MRPL48: variants seen among roughly 807,000 people sequenced by gnomAD.
MRPL48 encodes the protein mitochondrial ribosomal protein L48, also known as large ribosomal subunit protein mL48.
Under a neutral mutation model 32.9 loss-of-function variants are expected in MRPL48, and 16 were observed. The ratio of observed to expected loss-of-function variants is 0.49; its 90% CI spans 0.33 to 0.74. The LOEUF (loss-of-function observed/expected upper bound fraction) is 0.74. MRPL48 is among the 30% of genes least tolerant of loss of function. MRPL48 has a pLI of 0.02. For synonymous variants in MRPL48, 94 were observed against 89.2 expected (o/e 1.05, Z -0.31); for missense variants, 206 against 245.3 (o/e 0.84, Z 1.07).
chr11:73,796,257 T>C (rs1279837965), intron 1 of MRPL48, among the ~76,000 whole-genome samples: 1 of 152,242 alleles, frequency 6.6e-6, no homozygotes, highest in Non-Finnish European at 1.5e-5. Flanking sequence ...GGCATCTGTG[T>C]ACTCTTGTGG....
At chr11:73,824,162 ATTTT>A (rs1443792573) in intron 3 of MRPL48, among the ~76,000 whole-genome samples, 1 of 151,742 alleles carries the variant, frequency 6.6e-6, no homozygotes, top group African/African-American at 2.4e-5. Context: ...CCAAGACCCT[ATTTT>A]TTTAATCCAG....
chr11:73,803,726 A>G (rs1947396918), intron 1 of MRPL48, among the ~76,000 whole-genome samples: 1 of 151,970 alleles, frequency 6.6e-6, no homozygotes, highest in African/African-American at 2.4e-5. Flanking sequence ...CCTTAAGAAC[A>G]GACTTTTTTT....
At chr11:73,848,534 G>T (rs901219452) in intron 5 of MRPL48, among the ~76,000 whole-genome samples, 2 of 146,434 alleles carry the variant, frequency 1.4e-5, no homozygotes, top group African/African-American at 2.5e-5. Context: ...GATCAATTTG[G>T]GAATAATTGA....
intron 4 of MRPL48, among the ~76,000 whole-genome samples, chr11:73,831,084 C>T (rs1393670509): frequency 6.6e-6 from 1 of 152,114 alleles, no homozygotes; most frequent in East Asian, 1.9e-4. Context: ...AGGTGATCCA[C>T]CTACCTTGGC....
intron 3 of MRPL48, 146 bp from the exon 4 acceptor site, chr11:73,825,562 G>A (rs1947871900): frequency 6.1e-6 from 4 of 651,720 alleles, no homozygotes; most frequent in Admixed American, 2.8e-5. Context: ...GCAGGAGACT[G>A]TCTTGTACCA....
At chr11:73,854,206 C>T (rs1445196988) in intron 5 of MRPL48, among the ~76,000 whole-genome samples, 1 of 152,170 alleles carries the variant, frequency 6.6e-6, no homozygotes, top group African/African-American at 2.4e-5. Flanking sequence ...TTACTTTTTG[C>T]CACATAGCTA....
chr11:73,812,875 A>AAGT (rs1947594250), intron 3 of MRPL48, among the ~76,000 whole-genome samples: 6 of 150,692 alleles, frequency 4.0e-5, no homozygotes, highest in Admixed American at 3.3e-4. Flanking sequence ...TCAGCCTCCC[A>AAGT]AGTAGATGGG....
intron 4 of MRPL48, among the ~76,000 whole-genome samples, chr11:73,837,055 A>G (rs557917871): frequency 1.3e-5 from 2 of 151,608 alleles, no homozygotes; most frequent in Non-Finnish European, 3.0e-5. Flanking sequence ...GACTGTTGAT[A>G]GTACTTAACC....
intron 5 of MRPL48, chr11:73,850,834 G>A (rs369118540): frequency 1.3e-4 from 30 of 232,252 alleles, no homozygotes; most frequent in African/African-American, 6.5e-4. Flanking sequence ...CTGCCACAAC[G>A]CCTGGCTAAT....
intron 5 of MRPL48, chr11:73,850,882 TAGCC>T (rs1948377266): frequency 8.2e-6 from 2 of 242,710 alleles, no homozygotes; most frequent in African/African-American, 4.6e-5. Context: ...TTCACCATGT[TAGCC>T]AGGATGGTCT....
intron 3 of MRPL48, among the ~76,000 whole-genome samples, chr11:73,813,548 T>G (rs913003642): frequency 2.0e-4 from 31 of 152,296 alleles, no homozygotes; most frequent in African/African-American, 6.7e-4. Context: ...ACTTTTAATA[T>G]AGTTCTTATA....
At chr11:73,847,148 C>G (rs112329439) in intron 5 of MRPL48, among the ~76,000 whole-genome samples, 2,096 of 152,158 alleles carry the variant, frequency 0.014, 18 homozygotes, top group Middle Eastern at 0.044. Context: ...AAAATGGCTG[C>G]ACCATTTTTT....
intron 2 of MRPL48, among the ~76,000 whole-genome samples, chr11:73,806,634 T>C (rs1947459183): frequency 6.6e-6 from 1 of 152,178 alleles, no homozygotes; most frequent in South Asian, 2.1e-4. Flanking sequence ...AGGCCTACGA[T>C]GGTATCTGAC....
At position 73,805,077 on chromosome 11, in the gene MRPL48, A is replaced by G. The variant is rs1490975541; in HGVS notation, c.72A>G (p.Leu24=). 1 of 1,570,038 alleles carries G rather than the reference A, an allele frequency of 6.4e-7. No homozygotes were observed. Among genetic ancestry groups the G allele is most frequent in the Non-Finnish European group, 8.6e-7 (1 of 1,156,346 alleles). ...NTIFKQAFSL[L]RFRTSGEKPI... ...TTTTTAAGCAAGCCTTTTCTCTCTT[A>G]AGGTAAGAATATTAAAAACAATAAT... is the stretch of plus-strand genomic sequence containing the variant. The change falls in exon 2 of 8, where the codon TTA becomes TTG. Residue 24 remains leucine, a splice_region_variant and synonymous_variant. Coordinates refer to ENST00000310614, the MANE Select transcript of MRPL48 (RefSeq NM_016055.6).
chr11:73,822,047 A>G (rs545347852), intron 3 of MRPL48, among the ~76,000 whole-genome samples: 90 of 152,262 alleles, frequency 5.9e-4, no homozygotes, highest in Non-Finnish European at 1.0e-3. Context: ...AGATTTGGAT[A>G]TCAGCTCCAT....
chr11:73,806,870 T>C (rs906288940), intron 2 of MRPL48, among the ~76,000 whole-genome samples: 2 of 152,094 alleles, frequency 1.3e-5, no homozygotes, highest in African/African-American at 4.8e-5. Flanking sequence ...CTCCATTGTT[T>C]TTCTTTTTTC....
chr11:73,787,961 A>G lies in MRPL48; in HGVS notation c.-11A>G, dbSNP rs913592737. The G allele has an allele frequency of 4.3e-6, 7 of 1,612,846 alleles. No individual in the cohort carries two copies. The African/African-American group carries it at 6.7e-5, about 15-fold the overall frequency. Reference sequence around the variant, plus strand: ...CGGTTTGCACAGCTAGAGGCCGCGCAGCAGCAAAGGATGAGCGGAACCTTG... The same window carrying G: ...CGGTTTGCACAGCTAGAGGCCGCGCGGCAGCAAAGGATGAGCGGAACCTTG... On this transcript the variant is annotated 5_prime_UTR_variant, in exon 1 of 8. Transcript: ENST00000310614.
In MRPL48 at chr11:73,847,091, T is replaced by A. The variant is rs377453264; in HGVS notation, c.371+2115T>A. ...TCTCGCCTCCAATTTCTGGATTGTA[T>A]AGTAAGTTTATGTTTAACTTTATAA... On this transcript the variant is annotated intron_variant, in intron 5 of 7. Coordinates refer to ENST00000310614, the MANE Select transcript of MRPL48 (RefSeq NM_016055.6). Among the ~76,000 whole-genome samples, 41 of 152,018 alleles carry A rather than the reference T, an allele frequency of 2.7e-4. No homozygotes were observed. In the South Asian group the frequency reaches 8.5e-3, roughly 32 times the overall value.
At chr11:73,825,844 G>A (rs749689575) in intron 4 of MRPL48, 48 bp downstream of exon 4, 13 of 1,461,004 alleles carry the variant, frequency 8.9e-6, no homozygotes, top group South Asian at 2.5e-5. Context: ...TGCAGCTTTT[G>A]CAAAAACCTG....
Sources: allele counts gnomAD v4.1 joint callset (sites outside exome capture counted in the v4.1 genomes callset), GRCh38; gene constraint gnomAD v4.1.1; transcripts MANE v1.5; gene names NCBI Gene and HGNC (gene_info 2026-07-23, HGNC 2026-07-21).